Variants in HS3ST3A1 observed in about 807,000 individuals in gnomAD.
The protein encoded by HS3ST3A1 is heparan sulfate-glucosamine 3-sulfotransferase 3A1, also known as heparan sulfate glucosamine 3-O-sulfotransferase 3A1.
In HS3ST3A1, 19 loss-of-function variants were observed where a neutral mutation model predicts 25.7. The ratio of observed to expected loss-of-function variants is 0.74; its 90% CI spans 0.52 to 1.08. The LOEUF is 1.08. HS3ST3A1 is among the 50% of genes least tolerant of loss of function. The probability of loss-of-function intolerance (pLI) is 0.00; values close to 1 mark genes in which losing one functional copy is unlikely to be tolerated. For missense variants in HS3ST3A1, 459 were observed against 594.3 expected (o/e 0.77, Z 2.37); for synonymous variants, 226 against 278.6 (o/e 0.81, Z 1.88).
intron 1 of HS3ST3A1, among the ~76,000 whole-genome samples, chr17:13,560,384 C>CTG (rs1567623933): frequency 1.4e-5 from 2 of 144,830 alleles, no homozygotes; most frequent in East Asian, 2.1e-4. Flanking sequence ...CTTTGCTTCT[C>CTG]TGTGTGTGTG....
intron 1 of HS3ST3A1, among the ~76,000 whole-genome samples, chr17:13,519,847 A>G (rs1032967426): frequency 2.0e-5 from 3 of 152,208 alleles, no homozygotes; most frequent in African/African-American, 7.2e-5. Flanking sequence ...AGCTTCAACC[A>G]ATAGTTTTAA....
intron 1 of HS3ST3A1, among the ~76,000 whole-genome samples, chr17:13,547,372 G>A (rs765899644): frequency 2.6e-5 from 4 of 152,240 alleles, no homozygotes; most frequent in South Asian, 2.1e-4. Context: ...AAAGACCAAC[G>A]CACCATTAGG....
At chr17:13,586,141 C>A (rs1465278533) in intron 1 of HS3ST3A1, among the ~76,000 whole-genome samples, 1 of 152,110 alleles carries the variant, frequency 6.6e-6, no homozygotes, top group Admixed American at 6.5e-5. Flanking sequence ...GCCACCACAA[C>A]CCGCCTCTGT....
At chr17:13,529,717 A>G (rs1454491288) in intron 1 of HS3ST3A1, among the ~76,000 whole-genome samples, 2 of 152,226 alleles carry the variant, frequency 1.3e-5, no homozygotes, top group African/African-American at 4.8e-5. Flanking sequence ...TATGGAAATA[A>G]CACTACAGGG....
At chr17:13,504,707 AT>A (rs771942285) in intron 1 of HS3ST3A1, among the ~76,000 whole-genome samples, 17 of 152,202 alleles carry the variant, frequency 1.1e-4, no homozygotes, top group African/African-American at 3.1e-4. Flanking sequence ...GAAAAGCATG[AT>A]TTTTTTAAAG....
At chr17:13,594,114 T>C (rs1295324865) in intron 1 of HS3ST3A1, among the ~76,000 whole-genome samples, 1 of 152,202 alleles carries the variant, frequency 6.6e-6, no homozygotes, top group African/African-American at 2.4e-5. Context: ...CTCAGGGCTA[T>C]ACTGGGGTTA....
intron 1 of HS3ST3A1, among the ~76,000 whole-genome samples, chr17:13,553,641 G>A (rs1018239701): frequency 1.3e-5 from 2 of 152,152 alleles, no homozygotes; most frequent in African/African-American, 4.8e-5. Flanking sequence ...TCAAACACCT[G>A]TCCACATCAT....
intron 1 of HS3ST3A1, among the ~76,000 whole-genome samples, chr17:13,527,465 G>A (rs1906467801): frequency 6.6e-6 from 1 of 152,160 alleles, no homozygotes. Context: ...TCAGGACCAA[G>A]AAGACAGACA....
intron 1 of HS3ST3A1, among the ~76,000 whole-genome samples, chr17:13,580,063 C>T (rs993462637): frequency 6.6e-6 from 1 of 151,792 alleles, no homozygotes. Flanking sequence ...CTTGCATTTG[C>T]CATTGCATTT....
intron 1 of HS3ST3A1, among the ~76,000 whole-genome samples, chr17:13,547,765 G>C (rs1907126842): frequency 6.6e-6 from 1 of 152,116 alleles, no homozygotes; most frequent in South Asian, 2.1e-4. Flanking sequence ...CAGTCAGTCA[G>C]AAGTACAGGA....
At chr17:13,500,571 G>A (rs1905439755) in intron 1 of HS3ST3A1, among the ~76,000 whole-genome samples, 1 of 152,144 alleles carries the variant, frequency 6.6e-6, no homozygotes, top group Non-Finnish European at 1.5e-5. Context: ...GATGATGGGA[G>A]GCATAGGTCC....
At chr17:13,556,614 G>T (rs1907383873) in intron 1 of HS3ST3A1, among the ~76,000 whole-genome samples, 1 of 151,998 alleles carries the variant, frequency 6.6e-6, no homozygotes, top group Non-Finnish European at 1.5e-5. Flanking sequence ...AGCACTTTGG[G>T]AGGCCGAGTC....
chr17:13,595,534 TGAG>T (rs879341384), intron 1 of HS3ST3A1, among the ~76,000 whole-genome samples: 16 of 152,218 alleles, frequency 1.1e-4, no homozygotes, highest in Non-Finnish European at 2.2e-4. Context: ...AATGCAAAGA[TGAG>T]GGAGTACAAT....
At chr17:13,570,187 C>G (rs187985958) in intron 1 of HS3ST3A1, among the ~76,000 whole-genome samples, 5 of 152,288 alleles carry the variant, frequency 3.3e-5, no homozygotes, top group African/African-American at 9.6e-5. Context: ...AACCAATGAT[C>G]TTAGGATATG....
chr17:13,600,831 C>G lies in HS3ST3A1; in HGVS notation c.299G>C (p.Arg100Pro). The change falls in exon 1 of 2, where the codon CGG becomes CCG. Residue 100 changes from arginine to proline, a missense_variant. Arg to Pro is a moderately radical substitution (Grantham distance 103). Coordinates refer to ENST00000284110, the MANE Select transcript of HS3ST3A1 (RefSeq NM_006042.3). ...GCCGTCGTCGCGGGGCGCGGGCGGC[C>G]GGCGCCTCCGCCACTGCGGCAGTTG... ...LLQLPQWRRR[R>P]PPAPRDDGEE... The G allele has an allele frequency of 1.4e-6, 2 of 1,415,228 alleles. No homozygotes were observed. Among genetic ancestry groups the G allele is most frequent in the East Asian group, 3.0e-5 (1 of 33,766 alleles). 87.7% of individuals were successfully genotyped at this position (1,415,228 alleles called of 1,614,324 possible).
intron 1 of HS3ST3A1, among the ~76,000 whole-genome samples, chr17:13,515,482 T>TTG (rs1013241381): frequency 9.3e-5 from 14 of 151,182 alleles, no homozygotes; most frequent in Admixed American, 7.9e-4. Context: ...TTTTTTTTTT[T>TTG]TTTTTTTTTT....
At chr17:13,559,327 C>G (rs1907463331) in intron 1 of HS3ST3A1, among the ~76,000 whole-genome samples, 1 of 152,086 alleles carries the variant, frequency 6.6e-6, no homozygotes, top group African/African-American at 2.4e-5. Context: ...AATGGACACA[C>G]CTCTTCAAGC....
intron 1 of HS3ST3A1, among the ~76,000 whole-genome samples, chr17:13,512,321 A>AAAAAAAAAAAACAAAC (rs1395357582): frequency 6.9e-6 from 1 of 144,676 alleles, no homozygotes; most frequent in Non-Finnish European, 1.5e-5. Flanking sequence ...AAAAAAAAAA[A>AAAAAAAAAAAACAAAC]AAAAAACTGC....
intron 1 of HS3ST3A1, among the ~76,000 whole-genome samples, chr17:13,501,026 A>T (rs1598406331): frequency 1.3e-5 from 2 of 152,374 alleles, no homozygotes; most frequent in South Asian, 2.1e-4. Flanking sequence ...CAAATACTGT[A>T]TGAGTTCACT....
Sources: gnomAD v4.1 joint callset for allele counts (sites outside exome capture counted in the v4.1 genomes callset) on GRCh38, gnomAD v4.1.1 for gene constraint, MANE v1.5 for transcripts, NCBI Gene and HGNC (gene_info 2026-07-23, HGNC 2026-07-21) for gene names.